The following CEACAM4 variants were observed in gnomAD, a reference collection of about 807,000 sequenced individuals.
CEACAM4 encodes the protein CEA cell adhesion molecule 4.
In CEACAM4, 30 loss-of-function variants were observed where a neutral mutation model predicts 28.7. The ratio of observed to expected loss-of-function variants is 1.05; its 90% CI spans 0.78 to 1.42. The LOEUF is 1.42. CEACAM4 is among the 40% of genes most tolerant of loss of function. The probability of loss-of-function intolerance (pLI) is 0.00; values close to 1 mark genes in which losing one functional copy is unlikely to be tolerated. For missense variants in CEACAM4, 330 were observed against 308.2 expected, an observed-to-expected ratio of 1.07 and a Z score of -0.53; for synonymous variants, 143 against 126.5, an observed-to-expected ratio of 1.13 and a Z score of -0.87.
intron 2 of CEACAM4, among the ~76,000 whole-genome samples, chr19:41,622,889 GAT>G (rs1397140514): frequency 7.9e-6 from 1 of 125,826 alleles, no homozygotes; most frequent in Non-Finnish European, 1.6e-5. Context: ...TAGATAGATA[GAT>G]AGATAGATAT....
intron 6 of CEACAM4, 27 bp from the exon 7 acceptor site, chr19:41,619,422 C>A (rs1871289214): frequency 1.2e-6 from 2 of 1,611,030 alleles, no homozygotes; most frequent in African/African-American, 1.3e-5. Context: ...GAGGCCTCAA[C>A]CCCTGTAGCC....
chr19:41,623,827 C>T (rs1183540084), intron 2 of CEACAM4, among the ~76,000 whole-genome samples: 1 of 151,962 alleles, frequency 6.6e-6, no homozygotes, highest in Non-Finnish European at 1.5e-5. Flanking sequence ...TTTTCTACTC[C>T]CCAGAAAGGA....
chr19:41,623,158 A>T (rs1210779269), intron 2 of CEACAM4, among the ~76,000 whole-genome samples: 1 of 152,170 alleles, frequency 6.6e-6, no homozygotes, highest in East Asian at 1.9e-4. Flanking sequence ...CTAGGATTAC[A>T]GGCACCCACC....
At position 41,625,953 on chromosome 19, in the gene CEACAM4, A is replaced by C; in HGVS notation, c.72T>G (p.Leu24=). Residue 24 remains leucine (L), a synonymous_variant, in exon 2 of 7, where the codon CTT becomes CTG. Transcript: ENST00000221954. ...PWQGLLITAS[L]LTFWHPPTTV... ...TGGTGGGCGGGTGCCAGAAGGTTAAAAGTGAGGCTAGGAGGTGAAGACAGC... is the reference window on the plus strand; with the variant it reads ...TGGTGGGCGGGTGCCAGAAGGTTAACAGTGAGGCTAGGAGGTGAAGACAGC... 6.2e-7 allele frequency: 1 copy of C among 1,608,552 alleles called. No homozygotes were observed. The highest frequency in any genetic ancestry group is 1.3e-5 in the African/African-American group (1 of 74,804).
intron 1 of CEACAM4, 63 bp downstream of exon 1, chr19:41,626,837 A>T: frequency 2.7e-6 from 4 of 1,477,152 alleles, no homozygotes; most frequent in Non-Finnish European, 3.8e-6. Context: ...CCTCCTACCC[A>T]AGAGACCCCA....
intron 1 of CEACAM4, 75 bp downstream of exon 1, chr19:41,626,825 C>G: frequency 7.4e-7 from 1 of 1,349,780 alleles, no homozygotes; most frequent in Non-Finnish European, 1.0e-6. Context: ...AGCCCTCTAT[C>G]CCCTCCTACC....
downstream of CEACAM4, among the ~76,000 whole-genome samples, chr19:41,616,545 A>C (rs1328926492): frequency 6.8e-6 from 1 of 146,446 alleles, no homozygotes; most frequent in South Asian, 2.2e-4. Flanking sequence ...AGATAGATAG[A>C]TATTCAGACA....
chr19:41,621,918 C>G, intron 2 of CEACAM4, 150 bp from the exon 3 acceptor site: 2 of 593,204 alleles, frequency 3.4e-6, no homozygotes, highest in South Asian at 4.6e-5. Context: ...TAGCTGACTC[C>G]CTTGCTCTCC....
intron 1 of CEACAM4, 33 bp downstream of exon 1, chr19:41,626,867 C>A: frequency 6.3e-7 from 1 of 1,597,852 alleles, no homozygotes; most frequent in East Asian, 2.2e-5. Context: ...TGTGCTCCCT[C>A]TTCCCACCAC....
chr19:41,625,238 G>A lies in CEACAM4; in HGVS notation c.424+363C>T, dbSNP rs1282145271. Among the ~76,000 whole-genome samples the A allele has an allele frequency of 2.0e-5, 3 of 152,188 alleles. No individual in the cohort carries two copies. In the East Asian group the frequency reaches 5.8e-4, roughly 29 times the overall value. On this transcript the variant is annotated intron_variant, in intron 2 of 6. Transcript: ENST00000221954. ...GCTTCCCGGGGTCACACGGAGTCAG[G>A]AGTCCTGAGGCTGGGCTTTTGTGAG...
At chr19:41,620,682 G>A (rs2071224839) in intron 3 of CEACAM4, 55 bp from the exon 4 acceptor site, 2 of 1,458,360 alleles carry the variant, frequency 1.4e-6, no homozygotes, top group Non-Finnish European at 1.9e-6. Context: ...CAGGTTTAGG[G>A]GCAGAATAAA....
At position 41,625,587 on chromosome 19, in the gene CEACAM4, G is replaced by A; in HGVS notation, c.424+14C>T. 4 of 1,558,054 alleles carry A rather than the reference G, an allele frequency of 2.6e-6. No individual in the cohort carries two copies. Among genetic ancestry groups the A allele is most frequent in the South Asian group, 1.2e-5 (1 of 80,742 alleles). ...CTGACCGCCAGCACCCAGAGGTATG[G>A]GGGAATCACTCACGGTGTACGTGGA... On this transcript the variant is annotated intron_variant, in intron 2 of 6. Transcript: ENST00000221954.
At chr19:41,614,238 G>C (rs1006773471), downstream of CEACAM4, among the ~76,000 whole-genome samples, 1 of 152,184 alleles carries the variant, frequency 6.6e-6, no homozygotes, top group Non-Finnish European at 1.5e-5. Flanking sequence ...TCTCTACCAT[G>C]TGGAGTACTG....
rs535480340 is a variant in CEACAM4 at position 41,620,649 on chromosome 19, C to T, written c.543-22G>A. The T allele has an allele frequency of 8.6e-5, 138 of 1,606,582 alleles. No homozygotes were observed. In the South Asian group the frequency reaches 1.4e-3, roughly 17 times the overall value. On this transcript the variant is annotated intron_variant, in intron 3 of 6. Coordinates refer to ENST00000221954, the MANE Select transcript of CEACAM4 (RefSeq NM_001817.4). Reference sequence around the variant, plus strand: ...GGCCCTAGGAAAGGTCAGGATTATTCATGAGGGTGCAGGGAGAAATCACAG... The same window carrying T: ...GGCCCTAGGAAAGGTCAGGATTATTTATGAGGGTGCAGGGAGAAATCACAG...
At chr19:41,615,731 T>C (rs1039249602), downstream of CEACAM4, among the ~76,000 whole-genome samples, 2 of 151,838 alleles carry the variant, frequency 1.3e-5, no homozygotes, top group Admixed American at 1.3e-4. Flanking sequence ...TGGTGGCTTC[T>C]CAGGTGTGGG....
downstream of CEACAM4, among the ~76,000 whole-genome samples, chr19:41,614,936 GGGGAGGGGAA>G (rs2070968280): frequency 6.6e-6 from 1 of 151,248 alleles, no homozygotes; most frequent in Admixed American, 6.6e-5. Context: ...GGATAGGGGT[GGGGAGGGGAA>G]GGGGAGGGGA....
At chr19:41,614,962 G>T (rs1444146978), downstream of CEACAM4, among the ~76,000 whole-genome samples, 1 of 142,898 alleles carries the variant, frequency 7.0e-6, no homozygotes, top group Admixed American at 6.9e-5. Flanking sequence ...GGGGAAGGGG[G>T]AGGGGAAAAG....
At chr19:41,615,696 T>A (rs1369776521), downstream of CEACAM4, among the ~76,000 whole-genome samples, 1 of 151,872 alleles carries the variant, frequency 6.6e-6, no homozygotes, top group Non-Finnish European at 1.5e-5. Flanking sequence ...AGACATTGAG[T>A]GTGAGGACAG....
Position 41,627,015 on chromosome 19 carries a change from G to T in CEACAM4, c.-52C>A. The T allele has an allele frequency of 1.3e-6, 2 of 1,506,080 alleles. No homozygotes were observed. Among genetic ancestry groups the T allele is most frequent in the Non-Finnish European group, 1.8e-6 (2 of 1,106,280 alleles). The allele number at this position is 1,506,080 out of a possible 1,614,324, so 93.3% of individuals were successfully genotyped here. ...TGGAGAGGAGCTGGGCTCCAGGAACGCTCTTGTCAGAGCTGCTGTGACTGT... is the reference window on the plus strand; with the variant it reads ...TGGAGAGGAGCTGGGCTCCAGGAACTCTCTTGTCAGAGCTGCTGTGACTGT... On this transcript the variant is annotated 5_prime_UTR_variant, in exon 1 of 7. Transcript: ENST00000221954.
Sources: gnomAD v4.1 joint callset for allele counts (sites outside exome capture counted in the v4.1 genomes callset) on GRCh38, gnomAD v4.1.1 for gene constraint, MANE v1.5 for transcripts, NCBI Gene and HGNC (gene_info 2026-07-23, HGNC 2026-07-21) for gene names.